Variants in TMEM132C observed in about 807,000 individuals in gnomAD.
TMEM132C encodes transmembrane protein 132C.
In TMEM132C, 29 loss-of-function variants were observed where a neutral mutation model predicts 61.4. That is an observed-to-expected ratio of 0.47 (90% CI 0.35 to 0.64). TMEM132C has a LOEUF of 0.64. TMEM132C is among the 30% of genes least tolerant of loss of function. TMEM132C has a pLI of 0.00. For synonymous variants in TMEM132C, 656 were observed against 633.1 expected (o/e 1.04, Z -0.54); for missense variants, 1,408 against 1,476.9 (o/e 0.95, Z 0.76).
intron 4 of TMEM132C, among the ~76,000 whole-genome samples, chr12:128,624,520 G>A (rs758341262): frequency 6.7e-4 from 97 of 145,642 alleles, no homozygotes; most frequent in South Asian, 1.8e-3. Flanking sequence ...CTCCAACCTG[G>A]GTGATAGAGT....
intron 2 of TMEM132C, among the ~76,000 whole-genome samples, chr12:128,507,402 C>CTT (rs111625089): frequency 1.3e-4 from 15 of 113,400 alleles, no homozygotes; most frequent in East Asian, 5.2e-4. Flanking sequence ...TTTTTTCTTT[C>CTT]TTTTTTTTTT....
At chr12:128,396,945 A>G (rs1874978966) in intron 1 of TMEM132C, among the ~76,000 whole-genome samples, 1 of 152,184 alleles carries the variant, frequency 6.6e-6, no homozygotes, top group South Asian at 2.1e-4. Flanking sequence ...GCTGCAGTGG[A>G]CACCTTAGAC....
intron 3 of TMEM132C, among the ~76,000 whole-genome samples, chr12:128,586,254 A>G (rs1875543999): frequency 1.3e-5 from 2 of 152,012 alleles, no homozygotes; most frequent in Admixed American, 1.3e-4. Context: ...TAAAATGTCT[A>G]TTTTAAGTGT....
intron 1 of TMEM132C, among the ~76,000 whole-genome samples, chr12:128,373,102 T>C (rs1313710772): frequency 6.6e-6 from 1 of 152,148 alleles, no homozygotes; most frequent in Non-Finnish European, 1.5e-5. Flanking sequence ...CAGCACAAGC[T>C]ATCGGAGGAG....
At chr12:128,351,401 TATATC>T (rs1166610917) in intron 1 of TMEM132C, among the ~76,000 whole-genome samples, 5 of 152,186 alleles carry the variant, frequency 3.3e-5, no homozygotes, top group African/African-American at 1.2e-4. Context: ...TATATTCAAA[TATATC>T]ATATATATTC....
rs770330808 is a variant in TMEM132C at position 128,415,391 on chromosome 12, G to T, written c.745G>T (p.Gly249Cys). ...GDCAGGDFRK[G>C]NAIRPGKDGL... ...CTGTGCCGGGGGTGACTTCAGGAAGGGCAACGCCATCCGTCCAGGAAAGGA... is the reference window on the plus strand; with the variant it reads ...CTGTGCCGGGGGTGACTTCAGGAAGTGCAACGCCATCCGTCCAGGAAAGGA... Residue 249 changes from glycine (G) to cysteine (C), a missense_variant, in exon 2 of 9, where the codon GGC becomes TGC. Physicochemically the swap from Gly to Cys is radical, Grantham distance 159. Transcript: ENST00000435159. The surrounding 1 kb of genome is among the most constrained non-coding windows in gnomAD (Gnocchi z 5.8). 6.4e-7 allele frequency: 1 copy of T among 1,551,164 alleles called. No individual in the cohort carries two copies. The highest frequency in any genetic ancestry group is 1.2e-5 in the South Asian group (1 of 83,966).
At chr12:128,489,353 G>C (rs112058089) in intron 2 of TMEM132C, among the ~76,000 whole-genome samples, 3 of 147,946 alleles carry the variant, frequency 2.0e-5, no homozygotes, top group Non-Finnish European at 4.5e-5. Context: ...GGATGGGGGA[G>C]AAAGGAGGCG....
chr12:128,355,312 G>A (rs111432481), intron 1 of TMEM132C, among the ~76,000 whole-genome samples: 1 of 152,236 alleles, frequency 6.6e-6, no homozygotes, highest in East Asian at 1.9e-4. Flanking sequence ...AGCATGCATG[G>A]GTTTGTGCCT....
intron 3 of TMEM132C, among the ~76,000 whole-genome samples, chr12:128,553,501 G>A (rs1222150354): frequency 6.6e-6 from 1 of 151,994 alleles, no homozygotes; most frequent in Non-Finnish European, 1.5e-5. Context: ...CGTCTCTTTT[G>A]TAACTTAACG....
chr12:128,529,990 C>T (rs920711174), intron 2 of TMEM132C, among the ~76,000 whole-genome samples: 5 of 151,844 alleles, frequency 3.3e-5, no homozygotes, highest in Non-Finnish European at 7.4e-5. Context: ...TCCTACCCTT[C>T]AATCTGGTAT....
intron 1 of TMEM132C, among the ~76,000 whole-genome samples, chr12:128,401,627 T>C (rs1056071830): frequency 1.3e-5 from 2 of 152,216 alleles, no homozygotes; most frequent in African/African-American, 4.8e-5. Context: ...ACCCCAGTAG[T>C]TGCAATTCTG....
At chr12:128,597,997 G>A (rs1285957240) in intron 3 of TMEM132C, among the ~76,000 whole-genome samples, 1 of 152,186 alleles carries the variant, frequency 6.6e-6, no homozygotes, top group Non-Finnish European at 1.5e-5. Flanking sequence ...GGGAGAGGAT[G>A]CATCCAAGTA....
chr12:128,316,393 C>T (rs1872154278), intron 1 of TMEM132C, among the ~76,000 whole-genome samples: 1 of 152,164 alleles, frequency 6.6e-6, no homozygotes, highest in Non-Finnish European at 1.5e-5. Context: ...TAAGATAGAC[C>T]CAACGGACTT....
intron 1 of TMEM132C, among the ~76,000 whole-genome samples, chr12:128,300,300 A>G (rs988109514): frequency 6.6e-6 from 1 of 152,172 alleles, no homozygotes; most frequent in Non-Finnish European, 1.5e-5. Flanking sequence ...AGGAAGGTGG[A>G]AGAGCTTACA....
intron 2 of TMEM132C, among the ~76,000 whole-genome samples, chr12:128,518,692 C>A (rs1007770919): frequency 6.6e-6 from 1 of 152,016 alleles, no homozygotes; most frequent in Non-Finnish European, 1.5e-5. Context: ...CTACCCTATC[C>A]CCTTGAATTA....
intron 2 of TMEM132C, among the ~76,000 whole-genome samples, chr12:128,420,766 G>A (rs1380597424): frequency 6.6e-6 from 1 of 152,140 alleles, no homozygotes; most frequent in Admixed American, 6.5e-5. Context: ...AGGATGTTGG[G>A]GATGAAGGAC....
chr12:128,695,809 C>T lies in TMEM132C; in HGVS notation c.1656-21C>T, dbSNP rs186096973. The T allele has an allele frequency of 2.3e-4, 344 of 1,524,564 alleles. 1 individual carries two copies. The African/African-American group carries it at 3.7e-3, about 16-fold the overall frequency. 94.4% of individuals were successfully genotyped at this position (1,524,564 alleles called of 1,614,324 possible). ...AGACTCCTCTCCCTGGATCTGAGAG[C>T]TCTTTGTCCCTTCCCACAAGGCCCA... On this transcript the variant is annotated intron_variant, in intron 6 of 8. Coordinates refer to ENST00000435159, the MANE Select transcript of TMEM132C (RefSeq NM_001136103.3).
At chr12:128,486,173 G>A (rs1871486150) in intron 2 of TMEM132C, among the ~76,000 whole-genome samples, 2 of 152,156 alleles carry the variant, frequency 1.3e-5, no homozygotes, top group Admixed American at 6.5e-5. Context: ...GTGGGGACAC[G>A]TTCGTAGGCA....
At chr12:128,391,304 A>C (rs2135999808) in intron 1 of TMEM132C, among the ~76,000 whole-genome samples, 1 of 152,264 alleles carries the variant, frequency 6.6e-6, no homozygotes, top group Admixed American at 6.5e-5. Flanking sequence ...TTTTTCCGAC[A>C]ACTTACTCAG....
Sources: allele counts gnomAD v4.1 joint callset (sites outside exome capture counted in the v4.1 genomes callset), GRCh38; gene constraint gnomAD v4.1.1; non-coding constraint Gnocchi (gnomAD v3.1); transcripts MANE v1.5; gene names NCBI Gene and HGNC (gene_info 2026-07-23, HGNC 2026-07-21).